VEPH1: variants seen among roughly 807,000 people sequenced by gnomAD.
The protein encoded by VEPH1 is ventricular zone-expressed PH domain-containing protein homolog 1.
A neutral mutation model predicts 85.2 loss-of-function variants in VEPH1; 80 were observed. The observed-to-expected ratio is 0.94, with a 90% CI of 0.78 to 1.13. The LOEUF (loss-of-function observed/expected upper bound fraction) is 1.13, where lower values mean the gene tolerates loss of function less well. Ranked by LOEUF, VEPH1 falls within the 50% of genes most tolerant of loss-of-function variation. The pLI is 0.00. For missense variants in VEPH1, 955 were observed against 980.5 expected (o/e 0.97, Z 0.35); for synonymous variants, 297 against 348.0 (o/e 0.85, Z 1.63).
intron 9 of VEPH1, among the ~76,000 whole-genome samples, chr3:157,320,225 A>T (rs1435690300): frequency 6.6e-6 from 1 of 152,166 alleles, no homozygotes; most frequent in Admixed American, 6.5e-5. Flanking sequence ...CTGAACTTAC[A>T]ACAATGGTTA....
chr3:157,332,370 C>G (rs1722588025), intron 9 of VEPH1, among the ~76,000 whole-genome samples: 1 of 152,078 alleles, frequency 6.6e-6, no homozygotes, highest in South Asian at 2.1e-4. Context: ...ATGGAACCCC[C>G]ACATCTGTTA....
intron 7 of VEPH1, among the ~76,000 whole-genome samples, chr3:157,380,026 G>A (rs1728584169): frequency 6.6e-6 from 1 of 152,094 alleles, no homozygotes; most frequent in Admixed American, 6.5e-5. Flanking sequence ...TCAAACCAGA[G>A]CAAAAACAAA....
At chr3:157,454,969 C>T (rs531521072) in intron 4 of VEPH1, among the ~76,000 whole-genome samples, 3 of 152,296 alleles carry the variant, frequency 2.0e-5, no homozygotes, top group African/African-American at 7.2e-5. Flanking sequence ...ATATGTACCA[C>T]ATTTTCTTCA....
chr3:157,367,135 T>A (rs945748853), intron 7 of VEPH1, among the ~76,000 whole-genome samples: 5 of 152,246 alleles, frequency 3.3e-5, no homozygotes, highest in African/African-American at 1.2e-4. Context: ...TACATAATTT[T>A]ATAAGTTTTC....
chr3:157,407,995 C>T (rs1050454228), intron 6 of VEPH1, among the ~76,000 whole-genome samples: 3 of 152,064 alleles, frequency 2.0e-5, no homozygotes, highest in African/African-American at 7.2e-5. Context: ...TCTAAGCACA[C>T]CCTCTTAGTC....
At chr3:157,363,202 GAAAAA>G in intron 9 of VEPH1, 157 bp downstream of exon 9, 1 of 465,784 alleles carries the variant, frequency 2.1e-6, no homozygotes, top group Non-Finnish European at 3.4e-6. Flanking sequence ...CTTTTCTTGG[GAAAAA>G]AAAAAAAAAA....
intron 4 of VEPH1, among the ~76,000 whole-genome samples, chr3:157,452,948 G>A (rs768220696): frequency 5.3e-5 from 8 of 152,194 alleles, no homozygotes; most frequent in South Asian, 2.1e-4. Context: ...TGCTGCAGCC[G>A]ACTCCCATTC....
chr3:157,486,485 CAA>C (rs576141960), intron 2 of VEPH1, among the ~76,000 whole-genome samples: 27 of 118,258 alleles, frequency 2.3e-4, no homozygotes, highest in Admixed American at 3.4e-4. Context: ...GACTCTGACT[CAA>C]AAAAAAAAAA....
intron 3 of VEPH1, among the ~76,000 whole-genome samples, chr3:157,461,372 CTG>C (rs890895829): frequency 1.1e-4 from 17 of 152,094 alleles, no homozygotes; most frequent in Non-Finnish European, 2.9e-5. Flanking sequence ...GAAAAAAAAA[CTG>C]TGCAGTGCAC....
At chr3:157,437,710 G>A (rs974332953) in intron 4 of VEPH1, 9 of 1,531,112 alleles carry the variant, frequency 5.9e-6, no homozygotes, top group African/African-American at 4.1e-5. Context: ...GGCTCCCGCA[G>A]AGGCCAGGCT....
chr3:157,407,849 T>C (rs999201902), intron 6 of VEPH1, among the ~76,000 whole-genome samples: 1 of 152,156 alleles, frequency 6.6e-6, no homozygotes, highest in African/African-American at 2.4e-5. Flanking sequence ...GGTTAACTCA[T>C]TAAATCCTCA....
At chr3:157,362,623 T>C (rs1157987012) in intron 9 of VEPH1, among the ~76,000 whole-genome samples, 1 of 152,178 alleles carries the variant, frequency 6.6e-6, no homozygotes, top group Non-Finnish European at 1.5e-5. Flanking sequence ...ATACAACCAT[T>C]CTATTTTTCA....
In VEPH1 at chr3:157,317,164, G is replaced by T; in HGVS notation, c.1773C>A (p.Thr591=). 6.2e-7 allele frequency: 1 copy of T among 1,612,268 alleles called. No individual in the cohort carries two copies. Among genetic ancestry groups the T allele is most frequent in the South Asian group, 1.1e-5 (1 of 90,782 alleles). Residue 591 remains threonine (T), a synonymous_variant, in exon 10 of 14, where the codon ACC becomes ACA. Transcript: ENST00000362010. The part of the protein sequence containing the change: ...VRSCVAKLFF[T]CSLKGHYCLY... ...GGCAGTAATGACCCTTCAGGGAGCA[G>T]GTGAAGAACAACTTTGCTACACAAC...
intron 4 of VEPH1, 182 bp downstream of exon 4, chr3:157,459,999 G>A: frequency 6.5e-7 from 1 of 1,542,778 alleles, no homozygotes; most frequent in Non-Finnish European, 8.7e-7. Flanking sequence ...GCCTTGGGAA[G>A]GGACACAGAC....
At chr3:157,265,049 A>T (rs1028679657) in intron 13 of VEPH1, among the ~76,000 whole-genome samples, 7 of 152,222 alleles carry the variant, frequency 4.6e-5, no homozygotes, top group Non-Finnish European at 1.0e-4. Context: ...TATTAAATAG[A>T]TGAAAGACAG....
At position 157,477,248 on chromosome 3, in the gene VEPH1, T is replaced by C. The variant is rs368063632; in HGVS notation, c.139-6719A>G. ...GAGGCCACCTGCATTCCTTGGCTCATGGTCCCTTCCTCCATCTTTAAAGCA... is the reference window on the plus strand; with the variant it reads ...GAGGCCACCTGCATTCCTTGGCTCACGGTCCCTTCCTCCATCTTTAAAGCA... On this transcript the variant is annotated intron_variant, in intron 2 of 13. Coordinates refer to ENST00000362010, the MANE Select transcript of VEPH1 (RefSeq NM_001167912.2). Among the ~76,000 whole-genome samples, 27 of 151,920 alleles carry C rather than the reference T, an allele frequency of 1.8e-4. No individual in the cohort carries two copies. In the East Asian group the frequency reaches 2.3e-3, roughly 13 times the overall value.
chr3:157,414,091 C>A lies in VEPH1; in HGVS notation c.697-1G>T, dbSNP rs1262153248. The A allele has an allele frequency of 6.3e-7, 1 of 1,598,440 alleles. No homozygotes were observed. The highest frequency in any genetic ancestry group is 1.3e-5 in the African/African-American group (1 of 74,450). On this transcript the variant is annotated splice_acceptor_variant, in intron 5 of 13. Transcript: ENST00000362010. LOFTEE classifies it high-confidence loss of function. ...GGAAAGGAATACACTTCTGAACTAC[C>A]TATAAAGAGAGAGGAGAGGAGGAGG...
intron 6 of VEPH1, among the ~76,000 whole-genome samples, chr3:157,395,490 T>C (rs1730288123): frequency 6.6e-6 from 1 of 152,172 alleles, no homozygotes; most frequent in South Asian, 2.1e-4. Flanking sequence ...CCATGGCAAC[T>C]GTGTTCATAA....
intron 4 of VEPH1, among the ~76,000 whole-genome samples, chr3:157,434,084 C>T (rs1048195976): frequency 1.3e-5 from 2 of 152,032 alleles, no homozygotes; most frequent in African/African-American, 4.8e-5. Flanking sequence ...GAGATATCTT[C>T]CTGTTAAAGT....
Sources: gnomAD v4.1 joint callset for allele counts (sites outside exome capture counted in the v4.1 genomes callset) on GRCh38, gnomAD v4.1.1 for gene constraint, MANE v1.5 for transcripts, NCBI Gene and HGNC (gene_info 2026-07-23, HGNC 2026-07-21) for gene names.